Variants in GRID2 observed in about 807,000 individuals in gnomAD.
GRID2 encodes glutamate receptor ionotropic, delta-2.
Under a neutral mutation model 114.8 loss-of-function variants are expected in GRID2, and 33 were observed. That is an observed-to-expected ratio of 0.29 (90% CI 0.22 to 0.38). The LOEUF is 0.38. Among genes scored for constraint, GRID2 ranks in the 10% least tolerant of loss-of-function variants. The probability of loss-of-function intolerance (pLI) is 1.00; values close to 1 mark genes in which losing one functional copy is unlikely to be tolerated. For missense variants in GRID2, 1,184 were observed against 1,257.7 expected (o/e 0.94, Z 0.89); for synonymous variants, 505 against 449.9 (o/e 1.12, Z -1.55).
intron 1 of GRID2, among the ~76,000 whole-genome samples, chr4:92,503,566 C>G (rs1411062766): frequency 1.3e-5 from 2 of 152,068 alleles, no homozygotes; most frequent in Non-Finnish European, 2.9e-5. Flanking sequence ...TTTCCATGAT[C>G]CTTATAGCTG....
At chr4:93,513,466 T>C (rs1383749483) in intron 12 of GRID2, among the ~76,000 whole-genome samples, 1 of 152,202 alleles carries the variant, frequency 6.6e-6, no homozygotes, top group Non-Finnish European at 1.5e-5. Context: ...TCCACTCACT[T>C]TGTTATTCAG....
intron 2 of GRID2, among the ~76,000 whole-genome samples, chr4:92,622,267 A>G (rs1299821706): frequency 6.6e-6 from 1 of 151,786 alleles, no homozygotes; most frequent in Non-Finnish European, 1.5e-5. Flanking sequence ...CAATACTAAA[A>G]AGGTCACAAT....
intron 8 of GRID2, among the ~76,000 whole-genome samples, chr4:93,239,111 A>G (rs1034741717): frequency 2.0e-5 from 3 of 148,254 alleles, no homozygotes; most frequent in African/African-American, 7.3e-5. Flanking sequence ...CGGATTTGCT[A>G]TATATAAATT....
chr4:93,552,103 C>G (rs998037357), intron 13 of GRID2, among the ~76,000 whole-genome samples: 11 of 143,098 alleles, frequency 7.7e-5, no homozygotes, highest in Non-Finnish European at 4.5e-5. Flanking sequence ...TTATTCAATT[C>G]CCACCTATGA....
intron 8 of GRID2, chr4:93,302,688 A>T: frequency 2.3e-6 from 1 of 428,402 alleles, no homozygotes; most frequent in South Asian, 1.6e-5. Flanking sequence ...TTCATAGGCT[A>T]CTTTATTGAA....
chr4:92,533,000 A>G (rs187481727), intron 1 of GRID2, among the ~76,000 whole-genome samples: 2 of 152,128 alleles, frequency 1.3e-5, no homozygotes, highest in East Asian at 1.9e-4. Flanking sequence ...CTTGAGCTCA[A>G]AAATTCAAGG....
chr4:92,870,114 T>C (rs1269663864), intron 2 of GRID2, among the ~76,000 whole-genome samples: 1 of 151,918 alleles, frequency 6.6e-6, no homozygotes, highest in African/African-American at 2.4e-5. Context: ...GGCAGGAGGA[T>C]TGCTTGAGCC....
intron 2 of GRID2, among the ~76,000 whole-genome samples, chr4:92,724,247 G>C (rs891414315): frequency 6.6e-6 from 1 of 151,996 alleles, no homozygotes; most frequent in Non-Finnish European, 1.5e-5. Context: ...AGAGCAGCCT[G>C]GTCTGAGAAT....
chr4:93,493,109 T>C (rs1727176857), intron 12 of GRID2, among the ~76,000 whole-genome samples: 1 of 151,922 alleles, frequency 6.6e-6, no homozygotes, highest in South Asian at 2.1e-4. Flanking sequence ...AAATTGAGTA[T>C]TTTATTTCAT....
intron 1 of GRID2, among the ~76,000 whole-genome samples, chr4:92,377,090 G>T (rs1352840343): frequency 3.9e-5 from 6 of 152,122 alleles, no homozygotes; most frequent in Non-Finnish European, 8.8e-5. Context: ...CTCAGAAAAT[G>T]GAATTTTATT....
intron 1 of GRID2, among the ~76,000 whole-genome samples, chr4:92,448,181 A>G (rs571998528): frequency 6.9e-6 from 1 of 145,550 alleles, no homozygotes; most frequent in Non-Finnish European, 1.5e-5. Flanking sequence ...GTATGTATGT[A>G]TTTTGAGACA....
chr4:92,803,477 C>T (rs1382018076), intron 2 of GRID2, among the ~76,000 whole-genome samples: 2 of 151,796 alleles, frequency 1.3e-5, no homozygotes, highest in African/African-American at 4.8e-5. Context: ...TTAACTTTTC[C>T]TAACTGTGGA....
At chr4:93,620,251 T>G (rs1163718643) in intron 13 of GRID2, among the ~76,000 whole-genome samples, 1 of 152,222 alleles carries the variant, frequency 6.6e-6, no homozygotes, top group Non-Finnish European at 1.5e-5. Context: ...TATCTAACCC[T>G]TTTGGTTTAA....
At chr4:93,558,289 A>T (rs1734525723) in intron 13 of GRID2, among the ~76,000 whole-genome samples, 1 of 152,164 alleles carries the variant, frequency 6.6e-6, no homozygotes, top group African/African-American at 2.4e-5. Context: ...AAAATCAATG[A>T]ATCCAGGAGA....
At chr4:93,129,359 G>C (rs1187509139) in intron 4 of GRID2, among the ~76,000 whole-genome samples, 3 of 151,770 alleles carry the variant, frequency 2.0e-5, no homozygotes. Flanking sequence ...TTTTTTGTTT[G>C]TTTGTTTGTT....
chr4:93,066,271 C>T (rs1728283832), intron 2 of GRID2, among the ~76,000 whole-genome samples: 1 of 151,878 alleles, frequency 6.6e-6, no homozygotes, highest in Admixed American at 6.6e-5. Flanking sequence ...AGAAAAGTAA[C>T]ACAGTAATTT....
chr4:92,468,862 T>A (rs1721883635), intron 1 of GRID2, among the ~76,000 whole-genome samples: 1 of 152,132 alleles, frequency 6.6e-6, no homozygotes. Context: ...TGAGTCCATT[T>A]AAAAGGCTGT....
intron 2 of GRID2, among the ~76,000 whole-genome samples, chr4:92,614,492 ATTGT>A (rs1729907450): frequency 6.6e-6 from 1 of 151,612 alleles, no homozygotes; most frequent in Admixed American, 6.6e-5. Flanking sequence ...CAATGGGTGC[ATTGT>A]TTAATTTCTG....
intron 14 of GRID2, among the ~76,000 whole-genome samples, chr4:93,629,024 C>T (rs1743001346): frequency 6.6e-6 from 1 of 152,146 alleles, no homozygotes. Flanking sequence ...GCCTCAGCCT[C>T]CCAAAGTGTT....
Sources: gnomAD v4.1 joint callset for allele counts (sites outside exome capture counted in the v4.1 genomes callset) on GRCh38, gnomAD v4.1.1 for gene constraint, MANE v1.5 for transcripts, NCBI Gene and HGNC (gene_info 2026-07-23, HGNC 2026-07-21) for gene names.